CADPS: variants seen among roughly 807,000 people sequenced by gnomAD.
The protein encoded by CADPS is calcium dependent secretion activator, also known as calcium-dependent secretion activator 1.
Under a neutral mutation model 167.3 loss-of-function variants are expected in CADPS, and 57 were observed. The ratio of observed to expected loss-of-function variants is 0.34; its 90% confidence interval spans 0.28 to 0.42. The LOEUF is 0.42. Among genes scored for constraint, CADPS ranks in the 20% least tolerant of loss-of-function variants. The pLI is 1.00. For missense variants in CADPS, 1,414 were observed against 1,738.1 expected (o/e 0.81, Z 3.32); for synonymous variants, 676 against 635.3 (o/e 1.06, Z -0.96).
At chr3:62,572,691 G>T (rs1301171112) in intron 8 of CADPS, among the ~76,000 whole-genome samples, 2 of 144,174 alleles carry the variant, frequency 1.4e-5, no homozygotes, top group Non-Finnish European at 3.1e-5. Flanking sequence ...TATATTATAG[G>T]CTTGATATAC....
chr3:62,474,153 ATTT>A lies in CADPS; in HGVS notation c.3477+17_3477+19del, dbSNP rs61586697. ...AATGAAGAGGGAAAAAAAAATCTGT[ATTT>A]TTTTTTTTTTTTTTACCTCTTGGCC... is the stretch of plus-strand genomic sequence containing the variant. On this transcript the variant is annotated intron_variant, in intron 24 of 29. Transcript: ENST00000383710. 3,896 of 732,744 alleles carry A rather than the reference ATTT, an allele frequency of 5.3e-3. 3 individuals are homozygous for A. Among genetic ancestry groups the A allele is most frequent in the South Asian group, 0.012 (424 of 35,186 alleles). 45.4% of individuals were successfully genotyped at this position (732,744 alleles called of 1,614,324 possible). A position where few individuals can be genotyped will look rare whatever the true frequency, so the allele number is the denominator to read the frequency against.
rs1454556060 is a variant in CADPS, at chr3:62,478,264, T to A, written c.3326A>T (p.Lys1109Ile). Residue 1109 changes from lysine (K) to isoleucine (I), a missense_variant, in exon 23 of 30, where the codon AAA becomes ATA. By Grantham distance (102) the Lys-to-Ile change is moderately radical. This residue lies in a region of CADPS where 529 missense variants were observed against 629.6 expected (regional missense o/e 0.84). Coordinates refer to ENST00000383710, the MANE Select transcript of CADPS (RefSeq NM_003716.4). The surrounding 1 kb of genome is among the most constrained non-coding windows in gnomAD (Gnocchi z 5.7). ...MASDMIESCVKRTRIAFEVKL... is the reference protein window; with the variant it reads ...MASDMIESCVIRTRIAFEVKL... ...CTGTCCAGCCACCTATACTTACCTTTTGACACAAGATTCGATCATGTCACT... is the reference window on the plus strand; with the variant it reads ...CTGTCCAGCCACCTATACTTACCTTATGACACAAGATTCGATCATGTCACT... 6 of 1,613,572 alleles carry A rather than the reference T, an allele frequency of 3.7e-6. No individual in the cohort carries two copies. Among genetic ancestry groups the A allele is most frequent in the East Asian group, 2.2e-5 (1 of 44,890 alleles).
intron 9 of CADPS, among the ~76,000 whole-genome samples, chr3:62,559,709 G>C (rs1453019878): frequency 6.6e-6 from 1 of 151,994 alleles, no homozygotes; most frequent in Non-Finnish European, 1.5e-5. Context: ...GGTCAAGCTG[G>C]TCTTGAACTC....
chr3:62,753,238 T>C lies in CADPS; in HGVS notation c.888+203A>G, dbSNP rs78681163. ...GGCCCCTGAGACTTTTAAGGGCTCA[T>C]AAAAATGTTTTATTTATTTATTTTT... On this transcript the variant is annotated intron_variant, in intron 3 of 29. Coordinates refer to ENST00000383710, the MANE Select transcript of CADPS (RefSeq NM_003716.4). The surrounding 1 kb of genome is among the most constrained non-coding windows in gnomAD (Gnocchi z 4.6). 0.018 allele frequency among the ~76,000 whole-genome samples: 2,757 copies of C among 152,296 alleles called. 85 individuals carry two copies. The highest frequency in any genetic ancestry group is 0.062 in the African/African-American group (2,577 of 41,556).
At chr3:62,780,123 T>C (rs2091277140) in intron 1 of CADPS, among the ~76,000 whole-genome samples, 1 of 152,204 alleles carries the variant, frequency 6.6e-6, no homozygotes, top group Non-Finnish European at 1.5e-5. Context: ...TGTTTCCACC[T>C]TGGCCTCCCA....
At chr3:62,856,612 C>T (rs1278080186) in intron 1 of CADPS, among the ~76,000 whole-genome samples, 1 of 151,910 alleles carries the variant, frequency 6.6e-6, no homozygotes, top group Non-Finnish European at 1.5e-5. Flanking sequence ...ATGATTGAAT[C>T]ACCATAGTTA....
rs764177763 is a variant in CADPS, at chr3:62,465,355, C to A, written c.3636+12G>T. The A allele has an allele frequency of 1.3e-5, 21 of 1,574,666 alleles. No homozygotes were observed. In the African/African-American group the frequency reaches 2.9e-4, roughly 22 times the overall value. ...AAACAAAAGCCAGGAAATAAAGAAG[C>A]TCTTTACTTACGGTAAATGACAGAA... On this transcript the variant is annotated intron_variant, in intron 26 of 29. Coordinates refer to ENST00000383710, the MANE Select transcript of CADPS (RefSeq NM_003716.4). The surrounding 1 kb of genome is among the most constrained non-coding windows in gnomAD (Gnocchi z 4.1).
intron 3 of CADPS, among the ~76,000 whole-genome samples, chr3:62,680,518 C>T (rs545615891): frequency 2.0e-5 from 3 of 152,124 alleles, no homozygotes; most frequent in African/African-American, 7.2e-5. Context: ...CTCCTGTCCT[C>T]CTCTGTCTGG....
At chr3:62,801,516 G>T (rs932065) in intron 1 of CADPS, among the ~76,000 whole-genome samples, 96,836 of 152,026 alleles carry the variant, frequency 0.64, 34,205 homozygotes, top group East Asian at 0.89. Flanking sequence ...CTTTTATTCA[G>T]GAAAAATATG....
At chr3:62,862,081 C>T (rs1055844134) in intron 1 of CADPS, among the ~76,000 whole-genome samples, 1 of 151,906 alleles carries the variant, frequency 6.6e-6, no homozygotes, top group Non-Finnish European at 1.5e-5. Context: ...ATCCAAGATC[C>T]TAAATATAGT....
At chr3:62,739,657 C>T (rs4994165) in intron 3 of CADPS, among the ~76,000 whole-genome samples, 61,042 of 151,926 alleles carry the variant, frequency 0.4, 12,729 homozygotes, top group African/African-American at 0.49. Flanking sequence ...AGGAACTCTA[C>T]TTAGCTTGAG....
At chr3:62,873,231 G>T (rs1471715990) in intron 1 of CADPS, among the ~76,000 whole-genome samples, 1 of 152,252 alleles carries the variant, frequency 6.6e-6, no homozygotes, top group Non-Finnish European at 1.5e-5. Flanking sequence ...GTGTACACAT[G>T]TAAGCAAAAC....
intron 17 of CADPS, among the ~76,000 whole-genome samples, chr3:62,505,465 C>T (rs944767977): frequency 1.3e-5 from 2 of 152,148 alleles, no homozygotes; most frequent in African/African-American, 4.8e-5. Context: ...CGTGCTTATC[C>T]ACACTCTTGC....
At chr3:62,517,305 C>T (rs545843589) in intron 14 of CADPS, among the ~76,000 whole-genome samples, 1 of 152,248 alleles carries the variant, frequency 6.6e-6, no homozygotes, top group South Asian at 2.1e-4. Flanking sequence ...GAGAGACTAG[C>T]ATGGCTGCTT....
intron 6 of CADPS, among the ~76,000 whole-genome samples, chr3:62,642,663 T>C (rs1176746924): frequency 6.6e-6 from 1 of 152,134 alleles, no homozygotes; most frequent in Non-Finnish European, 1.5e-5. Flanking sequence ...TCCTTGTACT[T>C]TGGGAGGATG....
intron 18 of CADPS, among the ~76,000 whole-genome samples, chr3:62,494,343 A>G (rs1030797470): frequency 5.9e-5 from 9 of 152,156 alleles, no homozygotes; most frequent in African/African-American, 2.2e-4. Flanking sequence ...GGCAGAGACC[A>G]TCTAAACCCT....
At chr3:62,510,198 C>CTATCTATCTATT in intron 17 of CADPS, among the ~76,000 whole-genome samples, 1 of 150,956 alleles carries the variant, frequency 6.6e-6, no homozygotes. Flanking sequence ...CTGCATCTAT[C>CTATCTATCTATT]TATCTATCTA....
intron 28 of CADPS, among the ~76,000 whole-genome samples, chr3:62,424,993 T>C (rs2052330190): frequency 2.0e-5 from 3 of 152,164 alleles, no homozygotes; most frequent in Non-Finnish European, 4.4e-5. Context: ...GAGGTGGGGA[T>C]GAAAATACCA....
At chr3:62,712,627 A>G (rs569276093) in intron 3 of CADPS, among the ~76,000 whole-genome samples, 1 of 152,332 alleles carries the variant, frequency 6.6e-6, no homozygotes, top group Admixed American at 6.5e-5. Context: ...ATTAGCTAAG[A>G]GTTGAAACAT....
Sources: gnomAD v4.1 joint callset for allele counts (sites outside exome capture counted in the v4.1 genomes callset) on GRCh38, gnomAD v4.1.1 for gene constraint, gnomAD v4.1.1 regional missense constraint, Gnocchi (gnomAD v3.1) non-coding constraint, MANE v1.5 for transcripts, NCBI Gene and HGNC (gene_info 2026-07-23, HGNC 2026-07-21) for gene names.